Variants in PATJ observed in about 807,000 individuals in gnomAD.
PATJ encodes inaD-like protein.
PATJ carries 190 observed loss-of-function variants against 224.9 expected under a neutral mutation model. The ratio of observed to expected loss-of-function variants is 0.84; its 90% CI spans 0.75 to 0.95. PATJ has a LOEUF of 0.95. Ranked by LOEUF, PATJ falls within the 40% of genes least tolerant of loss-of-function variation. The probability of loss-of-function intolerance (pLI) is 0.00; values close to 1 mark genes in which losing one functional copy is unlikely to be tolerated. For synonymous variants in PATJ, 769 were observed against 820.3 expected (o/e 0.94, Z 1.07); for missense variants, 2,121 against 2,270.3 (o/e 0.93, Z 1.34).
chr1:62,071,070 A>G (rs1657309507), intron 31 of PATJ, among the ~76,000 whole-genome samples: 2 of 152,202 alleles, frequency 1.3e-5, no homozygotes, highest in African/African-American at 4.8e-5. Context: ...TTCAATTAAA[A>G]GCAAAAAACA....
intron 28 of PATJ, among the ~76,000 whole-genome samples, chr1:61,992,352 G>A (rs888312728): frequency 6.6e-6 from 1 of 151,906 alleles, no homozygotes; most frequent in Non-Finnish European, 1.5e-5. Context: ...TCCCGACCTC[G>A]GGTAATCCAC....
intron 33 of PATJ, among the ~76,000 whole-genome samples, chr1:62,093,267 A>G (rs990963293): frequency 6.6e-6 from 1 of 152,122 alleles, no homozygotes; most frequent in Non-Finnish European, 1.5e-5. Flanking sequence ...AGCTATAACC[A>G]TATGTTGTTC....
chr1:62,055,153 AG>A (rs2148611602), intron 31 of PATJ, among the ~76,000 whole-genome samples: 2 of 152,320 alleles, frequency 1.3e-5, no homozygotes, highest in South Asian at 4.2e-4. Flanking sequence ...AAAGAGAAGG[AG>A]AAGAATTATT....
intron 17 of PATJ, among the ~76,000 whole-genome samples, chr1:61,848,248 G>C (rs1047089789): frequency 7.2e-5 from 11 of 152,290 alleles, no homozygotes; most frequent in Admixed American, 7.2e-4. Flanking sequence ...TGGGGACCGG[G>C]CTAGGTCTCA....
intron 1 of PATJ, among the ~76,000 whole-genome samples, chr1:61,756,082 C>T (rs946941916): frequency 2.6e-5 from 4 of 152,132 alleles, no homozygotes; most frequent in East Asian, 1.9e-4. Flanking sequence ...CGTGAGCCAC[C>T]GCACCTGGCC....
At chr1:61,916,662 C>T (rs1027030753) in intron 26 of PATJ, among the ~76,000 whole-genome samples, 6 of 152,154 alleles carry the variant, frequency 3.9e-5, no homozygotes, top group African/African-American at 9.7e-5. Context: ...CAAATGCAGT[C>T]GATTTATCAA....
Position 61,864,562 on chromosome 1 carries a change from C to G in PATJ, c.2764C>G (p.Gln922Glu). The change falls in exon 20 of 44, where the codon CAA becomes GAA. Residue 922 changes from glutamine (Q) to glutamate (E), a missense_variant. Coordinates refer to ENST00000642238, the MANE Select transcript of PATJ (RefSeq NM_001350145.3). ...GCATGATAATGAACCATCCGAGTCTCAAGAGGCAAGAACCGGGAGGACTGT... is the reference window on the plus strand; with the variant it reads ...GCATGATAATGAACCATCCGAGTCTGAAGAGGCAAGAACCGGGAGGACTGT... ...WLHDNEPSES[Q>E]EARTGRTVYS... The G allele has an allele frequency of 6.2e-7, 1 of 1,612,534 alleles. No homozygotes were observed. The highest frequency in any genetic ancestry group is 8.5e-7 in the Non-Finnish European group (1 of 1,179,710).
intron 8 of PATJ, among the ~76,000 whole-genome samples, chr1:61,789,668 C>G (rs1442803925): frequency 6.6e-6 from 1 of 151,856 alleles, no homozygotes; most frequent in Non-Finnish European, 1.5e-5. Context: ...AAAGGTTAGC[C>G]AGGATTGGTG....
At chr1:61,839,711 G>T (rs1412088297) in intron 17 of PATJ, among the ~76,000 whole-genome samples, 1 of 151,990 alleles carries the variant, frequency 6.6e-6, no homozygotes, top group African/African-American at 2.4e-5. Flanking sequence ...CCATGATATT[G>T]CCATCCTTGG....
At chr1:61,899,544 C>A in intron 22 of PATJ, 39 bp from the exon 23 acceptor site, 2 of 1,423,572 alleles carry the variant, frequency 1.4e-6, no homozygotes, top group South Asian at 1.2e-5. Context: ...ATGAGTATGC[C>A]CTAAAATTGT....
chr1:62,158,703 AGAGCG>A (rs1669521616), intron 43 of PATJ, among the ~76,000 whole-genome samples: 2 of 139,266 alleles, frequency 1.4e-5, no homozygotes, highest in East Asian at 2.1e-4. Flanking sequence ...CCTGGGCGAC[AGAGCG>A]AGACTCTGTC....
chr1:62,053,939 A>G (rs1464536463), intron 31 of PATJ, among the ~76,000 whole-genome samples: 1 of 152,244 alleles, frequency 6.6e-6, no homozygotes, highest in African/African-American at 2.4e-5. Context: ...AAGATACCGC[A>G]GTGAACAAAA....
In PATJ at chr1:62,079,465, A is replaced by T; in HGVS notation, c.4141A>T (p.Lys1381Ter). The T allele has an allele frequency of 6.2e-7, 1 of 1,611,848 alleles. No homozygotes were observed. The highest frequency in any genetic ancestry group is 1.7e-5 in the Admixed American group (1 of 59,958). Residue 1381 changes from lysine (K) to a stop codon, truncating the protein, a stop_gained, in exon 32 of 44, where the codon AAA (lysine) becomes TAA (stop). Transcript: ENST00000642238. LOFTEE classifies it high-confidence loss of function. ...ESFKLAVSQM[K>*]QQKYPTKVSF... Reference sequence around the variant, plus strand: ...TCTTTTGTAGGCTGTCAGCCAGATGAAACAGCAAAAATATCCAACAAAAGT... The same window carrying T: ...TCTTTTGTAGGCTGTCAGCCAGATGTAACAGCAAAAATATCCAACAAAAGT...
At chr1:62,032,141 G>A (rs1470814834) in intron 29 of PATJ, among the ~76,000 whole-genome samples, 1 of 152,068 alleles carries the variant, frequency 6.6e-6, no homozygotes, top group African/African-American at 2.4e-5. Context: ...CGTTGGTCAG[G>A]CTGAGGTCTT....
Position 62,084,933 on chromosome 1 carries a change from C to T in PATJ, c.4377+285C>T, listed in dbSNP as rs547008877. On this transcript the variant is annotated intron_variant, in intron 33 of 43. Coordinates refer to ENST00000642238, the MANE Select transcript of PATJ (RefSeq NM_001350145.3). ...AGGAGTTCAAGACCAGCCTGGGCAA[C>T]GTGGCGAAACCCCATCTCTACAAAA... Among the ~76,000 whole-genome samples the T allele has an allele frequency of 2.6e-5, 4 of 152,174 alleles. No individual in the cohort carries two copies. In the East Asian group the frequency reaches 5.8e-4, roughly 22 times the overall value.
intron 27 of PATJ, among the ~76,000 whole-genome samples, chr1:61,978,697 AT>A (rs570510358): frequency 4.8e-4 from 73 of 152,084 alleles, no homozygotes; most frequent in African/African-American, 1.6e-3. Flanking sequence ...ATTATACCTG[AT>A]TTTTTTTAAG....
At chr1:61,803,647 G>T (rs918231436) in intron 12 of PATJ, among the ~76,000 whole-genome samples, 5 of 152,056 alleles carry the variant, frequency 3.3e-5, no homozygotes, top group African/African-American at 7.2e-5. Flanking sequence ...TACCATTTTT[G>T]GTTATATATG....
At position 62,148,361 on chromosome 1, in the gene PATJ, C is replaced by A. The variant is rs1261556807; in HGVS notation, c.5349C>A (p.Pro1783=). 6.2e-7 allele frequency: 1 copy of A among 1,613,238 alleles called. No individual in the cohort carries two copies. The highest frequency in any genetic ancestry group is 8.5e-7 in the Non-Finnish European group (1 of 1,179,380). The change falls in exon 42 of 44, where the codon CCC becomes CCA. Residue 1783 remains proline, a synonymous_variant. Transcript: ENST00000642238. ...CTACAGGCTACCACCTTGGTTCGCC[C>A]ACTGCTGAACACCATCCAGAAGACA... ...NMSTGYHLGS[P]TAEHHPEDTE...
At chr1:61,785,008 C>G (rs190808807) in intron 7 of PATJ, among the ~76,000 whole-genome samples, 1 of 152,304 alleles carries the variant, frequency 6.6e-6, no homozygotes, top group Admixed American at 6.5e-5. Flanking sequence ...AAGCACAGAG[C>G]TTTGTACGTA....
Sources: gnomAD v4.1 joint callset for allele counts (sites outside exome capture counted in the v4.1 genomes callset) on GRCh38, gnomAD v4.1.1 for gene constraint, MANE v1.5 for transcripts, NCBI Gene and HGNC (gene_info 2026-07-23, HGNC 2026-07-21) for gene names.